Variants in DUSP10 observed in about 807,000 individuals in gnomAD.
The protein encoded by DUSP10 is dual specificity protein phosphatase 10.
A neutral mutation model predicts 30.8 loss-of-function variants in DUSP10; 14 were observed. The ratio of observed to expected loss-of-function variants is 0.46; its 90% CI spans 0.30 to 0.71. The LOEUF is 0.71. DUSP10 is among the 30% of genes least tolerant of loss of function. The probability of loss-of-function intolerance (pLI) is 0.08; values close to 1 mark genes in which losing one functional copy is unlikely to be tolerated. For synonymous variants in DUSP10, 254 were observed against 250.4 expected (o/e 1.01, Z -0.14); for missense variants, 550 against 619.4 (o/e 0.89, Z 1.19).
intron 2 of DUSP10, among the ~76,000 whole-genome samples, chr1:221,726,733 T>C (rs1198431278): frequency 2.0e-5 from 3 of 150,364 alleles, no homozygotes; most frequent in Admixed American, 1.3e-4. Flanking sequence ...TATGTAGTTA[T>C]CTATCCACCC....
In DUSP10 at chr1:221,702,612, T is replaced by G. The variant is rs374216442; in HGVS notation, c.1249A>C (p.Thr417Pro). 1 of 1,614,116 alleles carries G rather than the reference T, an allele frequency of 6.2e-7. No individual in the cohort carries two copies. The highest frequency in any genetic ancestry group is 8.5e-7 in the Non-Finnish European group (1 of 1,180,036). The change falls in exon 4 of 4, where the codon ACC becomes CCC. Residue 417 changes from threonine to proline, a missense_variant. Coordinates refer to ENST00000366899, the MANE Select transcript of DUSP10 (RefSeq NM_007207.6). This position sits in a 1 kb window ranked among gnomAD's most constrained non-coding sequence, Gnocchi z 4.5. ...TTCATCAAGTAAGCGATGACGATGGTGGCGGAGCGGGACACCCCAGCCTGG... is the reference window on the plus strand; with the variant it reads ...TTCATCAAGTAAGCGATGACGATGGGGGCGGAGCGGGACACCCCAGCCTGG... Reference protein sequence around the residue: ...HCQAGVSRSATIVIAYLMKHT... With the variant: ...HCQAGVSRSAPIVIAYLMKHT...
At chr1:221,708,553 G>A (rs1322271061) in intron 2 of DUSP10, among the ~76,000 whole-genome samples, 1 of 152,298 alleles carries the variant, frequency 6.6e-6, no homozygotes, top group African/African-American at 2.4e-5. Flanking sequence ...AGCTATATAC[G>A]AATTTCAGTT....
intron 2 of DUSP10, among the ~76,000 whole-genome samples, chr1:221,735,767 C>T (rs1399142757): frequency 6.6e-6 from 1 of 152,082 alleles, no homozygotes; most frequent in Non-Finnish European, 1.5e-5. Flanking sequence ...TTCCCTGGAC[C>T]CAGCTTTACT....
chr1:221,706,486 GGTGA>G lies in DUSP10; in HGVS notation c.812-24_812-21del. The G allele has an allele frequency of 6.9e-7, 1 of 1,458,650 alleles. No individual in the cohort carries two copies. Among genetic ancestry groups the G allele is most frequent in the East Asian group, 2.4e-5 (1 of 42,124 alleles). 90.4% of individuals were successfully genotyped at this position (1,458,650 alleles called of 1,614,324 possible). A position where few individuals can be genotyped will look rare whatever the true frequency, so the allele number is the denominator to read the frequency against. On this transcript the variant is annotated intron_variant, in intron 2 of 3. Transcript: ENST00000366899. The surrounding 1 kb of genome is among the most constrained non-coding windows in gnomAD (Gnocchi z 4.6). ...GTCCACCTAGAACACAAACACAGAA[GGTGA>G]GTGTGACTGAGATTTCAGAGCTGGC...
chr1:221,721,882 A>G (rs1336252310), intron 2 of DUSP10, among the ~76,000 whole-genome samples: 3 of 152,214 alleles, frequency 2.0e-5, no homozygotes, highest in African/African-American at 4.8e-5. Context: ...AGTATAGGGT[A>G]TACACAAGCT....
Position 221,702,332 on chromosome 1 carries a change from A to G in DUSP10, c.*80T>C, listed in dbSNP as rs1660629367. On this transcript the variant is annotated 3_prime_UTR_variant, in exon 4 of 4. Coordinates refer to ENST00000366899, the MANE Select transcript of DUSP10 (RefSeq NM_007207.6). The surrounding 1 kb of genome is among the most constrained non-coding windows in gnomAD (Gnocchi z 4.5). ...TACTCCCAACTACAAAAAAAAAAAG[A>G]AAGAAAAAAAACCAGAATCCATCCT... 6.7e-7 allele frequency: 1 copy of G among 1,502,806 alleles called. No homozygotes were observed. The highest frequency in any genetic ancestry group is 2.3e-5 in the East Asian group (1 of 44,042). 93.1% of individuals were successfully genotyped at this position (1,502,806 alleles called of 1,614,324 possible).
intron 2 of DUSP10, among the ~76,000 whole-genome samples, chr1:221,712,722 C>T (rs1294759615): frequency 8.3e-6 from 1 of 119,858 alleles, no homozygotes; most frequent in African/African-American, 3.3e-5. Context: ...CAGTTATCTA[C>T]AGATATATCT....
At position 221,702,766 on chromosome 1, in the gene DUSP10, T is replaced by C; in HGVS notation, c.1184-89A>G. ...ACTTTCATCTCAACTTTGCAATGCC[T>C]TATTTTGTATAGAAATAATGAATTA... On this transcript the variant is annotated intron_variant, in intron 3 of 3. Transcript: ENST00000366899. This position sits in a 1 kb window ranked among gnomAD's most constrained non-coding sequence, Gnocchi z 4.5. 7.5e-7 allele frequency: 1 copy of C among 1,324,756 alleles called. No individual in the cohort carries two copies. The highest frequency in any genetic ancestry group is 1.4e-5 in the South Asian group (1 of 73,430). 82.1% of individuals were successfully genotyped at this position (1,324,756 alleles called of 1,614,324 possible).
Position 221,706,127 on chromosome 1 carries a change from C to A in DUSP10, c.1151G>T (p.Arg384Leu), listed in dbSNP as rs145241567. 1.9e-6 allele frequency: 3 copies of A among 1,613,932 alleles called. No individual in the cohort carries two copies. The South Asian group carries it at 3.3e-5, about 18-fold the overall frequency. The change falls in exon 3 of 4, where the codon CGG (arginine) becomes CTG (leucine). Residue 384 changes from arginine to leucine, a missense_variant. Physicochemically the swap from Arg to Leu is moderately radical, Grantham distance 102. Coordinates refer to ENST00000366899, the MANE Select transcript of DUSP10 (RefSeq NM_007207.6). The surrounding 1 kb of genome is among the most constrained non-coding windows in gnomAD (Gnocchi z 4.6). ...PATDSNKQNL[R>L]QYFEEAFEFI... ...CTCAAAAGCCTCTTCAAAGTACTGCCGCAGGTTCTGCTTGTTGCTGTCAGT... is the reference window on the plus strand; with the variant it reads ...CTCAAAAGCCTCTTCAAAGTACTGCAGCAGGTTCTGCTTGTTGCTGTCAGT...
In DUSP10 at chr1:221,702,383, A is replaced by G. The variant is rs780737836; in HGVS notation, c.*29T>C. On this transcript the variant is annotated 3_prime_UTR_variant, in exon 4 of 4. Coordinates refer to ENST00000366899, the MANE Select transcript of DUSP10 (RefSeq NM_007207.6). The surrounding 1 kb of genome is among the most constrained non-coding windows in gnomAD (Gnocchi z 4.5). ...CCTTCCTCATTGTCTCCTAATGGAGAGCAGCAATCCTTTCCATCCAGACCA... is the reference window on the plus strand; with the variant it reads ...CCTTCCTCATTGTCTCCTAATGGAGGGCAGCAATCCTTTCCATCCAGACCA... 2 of 1,608,108 alleles carry G rather than the reference A, an allele frequency of 1.2e-6. No individual in the cohort carries two copies. The highest frequency in any genetic ancestry group is 2.7e-5 in the African/African-American group (2 of 74,674).
chr1:221,714,911 C>T (rs142646528), intron 2 of DUSP10, among the ~76,000 whole-genome samples: 7 of 152,120 alleles, frequency 4.6e-5, no homozygotes, highest in Non-Finnish European at 7.4e-5. Flanking sequence ...TTAAAAAAAA[C>T]CCAGCATTCC....
intron 2 of DUSP10, among the ~76,000 whole-genome samples, chr1:221,720,854 A>C (rs1362131315): frequency 1.3e-5 from 2 of 152,216 alleles, no homozygotes; most frequent in African/African-American, 2.4e-5. Flanking sequence ...GAAGTTTTTA[A>C]GAGTTTCATT....
intron 2 of DUSP10, among the ~76,000 whole-genome samples, chr1:221,714,921 C>T (rs1171167841): frequency 6.6e-6 from 1 of 152,138 alleles, no homozygotes; most frequent in Admixed American, 6.5e-5. Flanking sequence ...CCCAGCATTC[C>T]AGAAAGAAGC....
chr1:221,731,791 T>C (rs1285147308), intron 2 of DUSP10, among the ~76,000 whole-genome samples: 1 of 151,806 alleles, frequency 6.6e-6, no homozygotes, highest in African/African-American at 2.4e-5. Flanking sequence ...GTATTTTTAG[T>C]AGAGACGGGG....
intron 2 of DUSP10, among the ~76,000 whole-genome samples, chr1:221,708,170 T>C (rs917089679): frequency 3.3e-5 from 5 of 152,340 alleles, no homozygotes; most frequent in Non-Finnish European, 7.3e-5. Context: ...CAAAGACAGA[T>C]GGCTTGTGGC....
chr1:221,734,679 T>C (rs1461354713), intron 2 of DUSP10, among the ~76,000 whole-genome samples: 1 of 152,080 alleles, frequency 6.6e-6, no homozygotes, highest in Non-Finnish European at 1.5e-5. Context: ...GGCACATACC[T>C]AGTTAGAGGG....
At chr1:221,732,463 G>A (rs1431202435) in intron 2 of DUSP10, among the ~76,000 whole-genome samples, 4 of 152,118 alleles carry the variant, frequency 2.6e-5, no homozygotes, top group South Asian at 2.1e-4. Flanking sequence ...GGTCTTTTTA[G>A]TTCTGAACTG....
intron 2 of DUSP10, among the ~76,000 whole-genome samples, chr1:221,709,832 C>T (rs72736541): frequency 0.013 from 2,027 of 152,092 alleles, 7 homozygotes; most frequent in Non-Finnish European, 0.019. Flanking sequence ...CCGACCCTAC[C>T]CCATCAAGTA....
At chr1:221,709,425 A>C (rs534632279) in intron 2 of DUSP10, among the ~76,000 whole-genome samples, 5 of 140,634 alleles carry the variant, frequency 3.6e-5, no homozygotes, top group African/African-American at 1.3e-4. Flanking sequence ...TGTATGTTTA[A>C]GCCATGTAGG....
Sources: gnomAD v4.1 joint callset for allele counts (sites outside exome capture counted in the v4.1 genomes callset) on GRCh38, gnomAD v4.1.1 for gene constraint, Gnocchi (gnomAD v3.1) non-coding constraint, MANE v1.5 for transcripts, NCBI Gene and HGNC (gene_info 2026-07-23, HGNC 2026-07-21) for gene names.